Variants in BTG4 observed in about 807,000 individuals in gnomAD.
BTG4 encodes the protein BTG anti-proliferation factor 4, also known as protein BTG4.
BTG4 carries 10 observed loss-of-function variants against 19.3 expected under a neutral mutation model. That is an observed-to-expected ratio of 0.52 (90% CI 0.32 to 0.88). The LOEUF (loss-of-function observed/expected upper bound fraction) is 0.88, where lower values mean the gene tolerates loss of function less well. Ranked by LOEUF, BTG4 falls within the 40% of genes least tolerant of loss-of-function variation. BTG4 has a pLI of 0.04. For missense variants in BTG4, 238 were observed against 281.9 expected (o/e 0.84, Z 1.11); for synonymous variants, 91 against 95.7 (o/e 0.95, Z 0.29).
the BTG4 span, among the ~76,000 whole-genome samples, chr11:111,413,565 G>A: frequency 6.6e-6 from 1 of 152,206 alleles, no homozygotes; most frequent in Admixed American, 6.5e-5. Flanking sequence ...GGAAATTGAG[G>A]CTTACAGTCA....
At chr11:111,393,207 G>A in the BTG4 span, among the ~76,000 whole-genome samples, 69 of 152,302 alleles carry the variant, frequency 4.5e-4, 1 homozygote, top group African/African-American at 1.6e-3. Flanking sequence ...ATTACTCTGA[G>A]TCAAGGAACC....
chr11:111,456,079 A>G, the BTG4 span, among the ~76,000 whole-genome samples: 1 of 152,350 alleles, frequency 6.6e-6, no homozygotes, highest in Admixed American at 6.5e-5. The surrounding 1 kb of genome is among the most constrained non-coding windows in gnomAD (Gnocchi z 4.2). Flanking sequence ...AGGAGCCTCG[A>G]AAGTGGGAAG....
the BTG4 span, among the ~76,000 whole-genome samples, chr11:111,395,856 T>A: frequency 1.3e-5 from 2 of 152,176 alleles, no homozygotes; most frequent in South Asian, 4.1e-4. Flanking sequence ...TGCAGACAAA[T>A]GTCTTCCAGC....
the BTG4 span, among the ~76,000 whole-genome samples, chr11:111,433,873 T>C: frequency 1.3e-5 from 2 of 152,174 alleles, no homozygotes; most frequent in African/African-American, 2.4e-5. Context: ...CCAGTTAGAA[T>C]GGTGATCATT....
the BTG4 span, among the ~76,000 whole-genome samples, chr11:111,427,220 T>C: frequency 6.6e-6 from 1 of 152,190 alleles, no homozygotes; most frequent in Admixed American, 6.5e-5. Flanking sequence ...CTCTAGAGAC[T>C]AGAGGAAAGG....
intron 5 of BTG4, among the ~76,000 whole-genome samples, chr11:111,472,132 A>G (rs1176221799): frequency 6.6e-6 from 1 of 152,226 alleles, no homozygotes; most frequent in East Asian, 1.9e-4. Context: ...GATCCTTTCA[A>G]AATGGAAATT....
chr11:111,488,847 TA>T, intron 5 of BTG4, among the ~76,000 whole-genome samples: 1 of 152,178 alleles, frequency 6.6e-6, no homozygotes. Flanking sequence ...AGAGATTTCT[TA>T]AAAGAAAACA....
At chr11:111,493,225 T>A (rs1865523552), downstream of BTG4, among the ~76,000 whole-genome samples, 1 of 152,154 alleles carries the variant, frequency 6.6e-6, no homozygotes, top group Non-Finnish European at 1.5e-5. Context: ...CTCAAGTCAT[T>A]AAGACCAGAA....
chr11:111,416,638 A>C, the BTG4 span: 1 of 152,130 alleles, frequency 6.6e-6, no homozygotes, highest in African/African-American at 2.4e-5. Flanking sequence ...TGGGTGGGCC[A>C]ATGTGAGCAG....
intron 5 of BTG4, among the ~76,000 whole-genome samples, chr11:111,488,989 T>C (rs796272791): frequency 5.3e-5 from 8 of 151,956 alleles, no homozygotes; most frequent in African/African-American, 1.9e-4. Context: ...CTACTAAAAA[T>C]ACAAAATTAG....
At chr11:111,486,688 A>G (rs1182161770) in intron 5 of BTG4, among the ~76,000 whole-genome samples, 1 of 152,226 alleles carries the variant, frequency 6.6e-6, no homozygotes, top group Admixed American at 6.5e-5. Context: ...AGTATTCATC[A>G]TGATCATGAT....
chr11:111,498,850 CTTA>C (rs1865899597), intron 1 of BTG4, 48 bp from the exon 2 acceptor site: 1 of 1,322,682 alleles, frequency 7.6e-7, no homozygotes, highest in Non-Finnish European at 1.0e-6. Flanking sequence ...AATGGTTTAA[CTTA>C]TTATCAATAT....
At chr11:111,507,636 G>C (rs1311389277) in intron 1 of BTG4, among the ~76,000 whole-genome samples, 1 of 152,126 alleles carries the variant, frequency 6.6e-6, no homozygotes, top group Non-Finnish European at 1.5e-5. Flanking sequence ...TCTTGAATTC[G>C]TAAGCGTATG....
chr11:111,496,261 T>C (rs767371826), intron 4 of BTG4, among the ~76,000 whole-genome samples: 2 of 152,216 alleles, frequency 1.3e-5, no homozygotes, highest in Non-Finnish European at 2.9e-5. Context: ...ATGGCAAAGT[T>C]GGCACTTTTA....
the BTG4 span, chr11:111,454,889 G>A: frequency 7.0e-6 from 3 of 427,004 alleles, no homozygotes; most frequent in Non-Finnish European, 1.4e-5. Context: ...AGGGGGCGCT[G>A]CAATCACAAC....
the BTG4 span, among the ~76,000 whole-genome samples, chr11:111,395,024 G>T: frequency 6.6e-6 from 1 of 152,220 alleles, no homozygotes; most frequent in East Asian, 1.9e-4. Flanking sequence ...TGGATAGTGA[G>T]TCCATGAGGT....
the BTG4 span, among the ~76,000 whole-genome samples, chr11:111,441,717 C>A: frequency 6.6e-6 from 1 of 152,130 alleles, no homozygotes; most frequent in South Asian, 2.1e-4. Context: ...CTGGGAAACC[C>A]CCATGGTTGA....
chr11:111,467,036 G>A (rs1565438005), downstream of BTG4: 1 of 152,598 alleles, frequency 6.6e-6, no homozygotes. Context: ...CCTTTAAGGG[G>A]ATTTATGGGA....
the BTG4 span, among the ~76,000 whole-genome samples, chr11:111,442,903 G>A: frequency 1.3e-5 from 2 of 152,278 alleles, no homozygotes; most frequent in Admixed American, 1.3e-4. Flanking sequence ...CTCGGGGAGG[G>A]ATAAGGCAAC....
Sources: allele counts gnomAD v4.1 joint callset (sites outside exome capture counted in the v4.1 genomes callset), GRCh38; gene constraint gnomAD v4.1.1; non-coding constraint Gnocchi (gnomAD v3.1); transcripts MANE v1.5; gene names NCBI Gene and HGNC (gene_info 2026-07-23, HGNC 2026-07-21).